LOXL2: variants seen among roughly 807,000 people sequenced by gnomAD.
LOXL2 encodes lysyl oxidase like 2.
In LOXL2, 70 loss-of-function variants were observed where a neutral mutation model predicts 93.0. That is an observed-to-expected ratio of 0.75 (90% CI 0.62 to 0.92). The LOEUF (loss-of-function observed/expected upper bound fraction) is 0.92, where lower values mean the gene tolerates loss of function less well. LOXL2 is among the 40% of genes least tolerant of loss of function. The pLI, the probability that LOXL2 is intolerant of heterozygous loss-of-function variation, is 0.00. For missense variants in LOXL2, 973 were observed against 1,054.9 expected, an observed-to-expected ratio of 0.92 and a Z score of 1.08; for synonymous variants, 438 against 413.2, an observed-to-expected ratio of 1.06 and a Z score of -0.73.
At chr8:23,303,022 TC>T (rs1803166202) in intron 11 of LOXL2, among the ~76,000 whole-genome samples, 1 of 151,776 alleles carries the variant, frequency 6.6e-6, no homozygotes, top group African/African-American at 2.4e-5. Flanking sequence ...GTCCCCAGAG[TC>T]TGGATCTTGT....
At chr8:23,335,235 G>A (rs529734896) in intron 4 of LOXL2, among the ~76,000 whole-genome samples, 1 of 152,206 alleles carries the variant, frequency 6.6e-6, no homozygotes, top group East Asian at 1.9e-4. Context: ...TTTAAGAAGA[G>A]GCTAGAACTC....
chr8:23,387,734 G>C (rs574588725), intron 1 of LOXL2, among the ~76,000 whole-genome samples: 75 of 152,084 alleles, frequency 4.9e-4, no homozygotes, highest in African/African-American at 1.8e-3. Context: ...TGGATCACTG[G>C]AGGTCAGGAG....
chr8:23,313,626 C>T (rs1253419475), intron 9 of LOXL2, among the ~76,000 whole-genome samples: 3 of 152,106 alleles, frequency 2.0e-5, no homozygotes, highest in Non-Finnish European at 1.5e-5. Flanking sequence ...CCCTTCCTCA[C>T]ACCTTCTACA....
At position 23,368,341 on chromosome 8, in the gene LOXL2, G is replaced by C. The variant is rs1473406107; in HGVS notation, c.11C>G (p.Pro4Arg). 6.2e-7 allele frequency: 1 copy of C among 1,611,682 alleles called. No individual in the cohort carries two copies. Among genetic ancestry groups the C allele is most frequent in the African/African-American group, 1.3e-5 (1 of 75,058 alleles). Residue 4 changes from proline (P) to arginine (R), a missense_variant, in exon 2 of 14, where the codon CCT (proline) becomes CGT (arginine). By Grantham distance (103) the Pro-to-Arg change is moderately radical. Transcript: ENST00000389131. Reference protein sequence around the residue: MERPLCSHLCSCLA... With the variant: MERRLCSHLCSCLA... ...GCAGCTGCAGAGGTGGGAGCACAGA[G>C]GCCTCTCCATCCCTGTCTTCGGGCT...
chr8:23,326,397 G>T (rs193232840), intron 6 of LOXL2, among the ~76,000 whole-genome samples: 16 of 152,258 alleles, frequency 1.1e-4, no homozygotes, highest in Non-Finnish European at 1.9e-4. Flanking sequence ...TCTTTGTCCT[G>T]TAGGCCCTTG....
At chr8:23,317,164 CTT>C in intron 8 of LOXL2, 50 bp from the exon 9 acceptor site, 1 of 1,572,506 alleles carries the variant, frequency 6.4e-7, no homozygotes, top group African/African-American at 1.4e-5. Flanking sequence ...CAAACTGTCA[CTT>C]TCTCATATCC....
intron 10 of LOXL2, among the ~76,000 whole-genome samples, chr8:23,306,484 C>T (rs927175219): frequency 6.6e-6 from 1 of 152,232 alleles, no homozygotes; most frequent in Non-Finnish European, 1.5e-5. Context: ...ACGCCCCCAT[C>T]CCCCTGTGCC....
At chr8:23,318,540 A>G (rs1330201376) in intron 8 of LOXL2, among the ~76,000 whole-genome samples, 2 of 152,128 alleles carry the variant, frequency 1.3e-5, no homozygotes, top group East Asian at 3.8e-4. Flanking sequence ...CTCCAGATGA[A>G]AAAAATGAGG....
chr8:23,359,110 C>A (rs1364199364), intron 3 of LOXL2, among the ~76,000 whole-genome samples: 3 of 152,096 alleles, frequency 2.0e-5, no homozygotes, highest in Non-Finnish European at 4.4e-5. Context: ...CCTCGGCCTC[C>A]CAAAGTGCTG....
In LOXL2 at chr8:23,372,799, G is replaced by C. The variant is rs1246086014; in HGVS notation, c.-83-4365C>G. On this transcript the variant is annotated intron_variant, in intron 1 of 13. Transcript: ENST00000389131. ...ATAGACAAATTCATAATCAGAGTGG[G>C]AGATTTTTACACACCTCTGTCAGTA... Among the ~76,000 whole-genome samples, 3 of 152,230 alleles carry C rather than the reference G, an allele frequency of 2.0e-5. No individual in the cohort carries two copies. The East Asian group carries it at 5.8e-4, about 29-fold the overall frequency.
rs1032321208 is a variant in LOXL2 at position 23,310,011 on chromosome 8, G to A, written c.1637-100C>T. The A allele has an allele frequency of 6.1e-5, 79 of 1,294,488 alleles. 3 individuals are homozygous for A. In the South Asian group the frequency reaches 1.3e-3, roughly 21 times the overall value. 80.2% of individuals were successfully genotyped at this position (1,294,488 alleles called of 1,614,324 possible). A position where few individuals can be genotyped will look rare whatever the true frequency, so the allele number is the denominator to read the frequency against. The stretch of plus-strand genomic sequence containing the variant: ...GGACAAACCCCCTCTCCTGCCTACC[G>A]CCACCTTCTGGAATGACTCAAGGGC... On this transcript the variant is annotated intron_variant, in intron 9 of 13. Transcript: ENST00000389131.
chr8:23,376,836 CTTT>C (rs1234396432), intron 1 of LOXL2, among the ~76,000 whole-genome samples: 2 of 152,092 alleles, frequency 1.3e-5, no homozygotes, highest in African/African-American at 4.8e-5. Flanking sequence ...CTCTTTTCTT[CTTT>C]ATTAGTCTTG....
chr8:23,303,199 C>T (rs1803168375), intron 11 of LOXL2, 83 bp downstream of exon 11: 2 of 857,674 alleles, frequency 2.3e-6, no homozygotes, highest in Admixed American at 1.8e-5. Flanking sequence ...CAGTGCCAGG[C>T]CTGGGCTCCA....
At chr8:23,371,957 G>C (rs993748242) in intron 1 of LOXL2, among the ~76,000 whole-genome samples, 3 of 151,722 alleles carry the variant, frequency 2.0e-5, no homozygotes, top group African/African-American at 4.8e-5. Flanking sequence ...ACCATATACT[G>C]AAAGAAAAGT....
Position 23,388,969 on chromosome 8 carries a change from C to T in LOXL2, c.-84+14985G>A, listed in dbSNP as rs576409917. ...GAGTTGGTCATAAGCAGTACTGTTA[C>T]AATTGTCCAACAAGCATCATTCATT... On this transcript the variant is annotated intron_variant, in intron 1 of 13. Transcript: ENST00000389131. Among the ~76,000 whole-genome samples the T allele has an allele frequency of 1.6e-4, 25 of 152,174 alleles. No homozygotes were observed. In the South Asian group the frequency reaches 5.2e-3, roughly 32 times the overall value.
chr8:23,342,284 T>C lies in LOXL2; in HGVS notation c.532-1081A>G, dbSNP rs1301145134. On this transcript the variant is annotated intron_variant, in intron 3 of 13. Transcript: ENST00000389131. ...CACTTTTTAATGCCTTTCCAAGACA[T>C]GCCATAACAGGCTCCAAACTCTATG... is the stretch of plus-strand genomic sequence containing the variant. Among the ~76,000 whole-genome samples, 5 of 151,892 alleles carry C rather than the reference T, an allele frequency of 3.3e-5. No individual in the cohort carries two copies. The East Asian group carries it at 9.7e-4, about 29-fold the overall frequency.
At chr8:23,333,701 TGA>T in intron 4 of LOXL2, 78 bp from the exon 5 acceptor site, 1 of 1,149,968 alleles carries the variant, frequency 8.7e-7, no homozygotes, top group East Asian at 2.5e-5. Context: ...AGGCAGAACA[TGA>T]GAGACTGGGC....
At chr8:23,367,247 C>A (rs1461672993) in intron 2 of LOXL2, among the ~76,000 whole-genome samples, 1 of 152,090 alleles carries the variant, frequency 6.6e-6, no homozygotes, top group Non-Finnish European at 1.5e-5. Context: ...TGGGGTTTCC[C>A]CATGTTGGCC....
chr8:23,332,317 TAC>T (rs1375560801), intron 5 of LOXL2, among the ~76,000 whole-genome samples: 2 of 54,136 alleles, frequency 3.7e-5, no homozygotes, highest in South Asian at 1.4e-3. Flanking sequence ...ACACACCCCC[TAC>T]ACACATACAC....
Sources: allele counts gnomAD v4.1 joint callset (sites outside exome capture counted in the v4.1 genomes callset), GRCh38; gene constraint gnomAD v4.1.1; transcripts MANE v1.5; gene names NCBI Gene and HGNC (gene_info 2026-07-23, HGNC 2026-07-21).